RAD17: variants seen among roughly 807,000 people sequenced by gnomAD.
RAD17 encodes the protein RAD17 checkpoint clamp loader component, also known as cell cycle checkpoint protein RAD17.
A neutral mutation model predicts 81.5 loss-of-function variants in RAD17; 31 were observed. The ratio of observed to expected loss-of-function variants is 0.38; its 90% CI spans 0.29 to 0.51. RAD17 has a LOEUF of 0.51. RAD17 is among the 20% of genes least tolerant of loss of function. The pLI, the probability that RAD17 is intolerant of heterozygous loss-of-function variation, is 0.88. For missense variants in RAD17, 681 were observed against 781.2 expected, an observed-to-expected ratio of 0.87 and a Z score of 1.53; for synonymous variants, 261 against 266.2, an observed-to-expected ratio of 0.98 and a Z score of 0.19.
chr5:69,391,935 CAA>C lies in RAD17; in HGVS notation c.1112_1113del (p.Gln371ArgfsTer25). The C allele has an allele frequency of 6.3e-7, 1 of 1,595,886 alleles. No homozygotes were observed. The highest frequency in any genetic ancestry group is 8.5e-7 in the Non-Finnish European group (1 of 1,174,332). ...AAAACCTGATAGGGTTTTTGAAAAT[CAA>C]GAGGTCCAAGCTATTGGTGGCAAAG... ...RKKPDRVFEN[Q>X]EVQAIGGKDV... On this transcript the variant is annotated frameshift_variant, in exon 13 of 19. Coordinates refer to ENST00000354868, the MANE Select transcript of RAD17 (RefSeq NM_133338.3). LOFTEE classifies it high-confidence loss of function.
At chr5:69,385,910 A>T (rs1487701230) in intron 8 of RAD17, 133 bp from the exon 9 acceptor site, 2 of 912,466 alleles carry the variant, frequency 2.2e-6, no homozygotes, top group East Asian at 6.1e-5. Flanking sequence ...CATCTATTTC[A>T]TGTTTCCTGT....
chr5:69,399,199 G>A (rs998787644), intron 16 of RAD17, among the ~76,000 whole-genome samples: 1 of 152,086 alleles, frequency 6.6e-6, no homozygotes, highest in Non-Finnish European at 1.5e-5. Flanking sequence ...AGTTTGCAGT[G>A]AACAATGATT....
intron 6 of RAD17, among the ~76,000 whole-genome samples, chr5:69,377,437 G>GTATATATATATATATA: frequency 3.9e-5 from 1 of 25,772 alleles, no homozygotes; most frequent in East Asian, 1.5e-3. Flanking sequence ...GTGTGTGTGT[G>GTATATATATATATATA]TGTATATATA....
At position 69,369,849 on chromosome 5, in the gene RAD17, G is replaced by C; in HGVS notation, c.-501G>C. On this transcript the variant is annotated 5_prime_UTR_variant, in exon 1 of 19. Coordinates refer to ENST00000354868, the MANE Select transcript of RAD17 (RefSeq NM_133338.3). ...CCGAGAGGCTCGGCGTTGAGCCCGG[G>C]TAGGGCCAGGTGGCTGCCCTTTCAC... The C allele has an allele frequency of 1.3e-6, 1 of 776,054 alleles. No homozygotes were observed. The highest frequency in any genetic ancestry group is 2.7e-5 in the East Asian group (1 of 36,410). 48.1% of individuals were successfully genotyped at this position (776,054 alleles called of 1,614,324 possible). A position where few individuals can be genotyped will look rare whatever the true frequency, so the allele number is the denominator to read the frequency against.
At chr5:69,384,522 C>A (rs1764054953) in intron 7 of RAD17, among the ~76,000 whole-genome samples, 1 of 152,142 alleles carries the variant, frequency 6.6e-6, no homozygotes, top group Admixed American at 6.6e-5. Context: ...CACCATGTTG[C>A]CCAGGTTGCT....
At chr5:69,385,985 A>G in intron 8 of RAD17, 58 bp from the exon 9 acceptor site, 1 of 1,399,122 alleles carries the variant, frequency 7.1e-7, no homozygotes, top group Non-Finnish European at 9.4e-7. Context: ...TATAAATTTG[A>G]AAAATAAATT....
At chr5:69,377,485 A>ATGTATATATATGTG (rs1561238972) in intron 6 of RAD17, among the ~76,000 whole-genome samples, 3 of 80,200 alleles carry the variant, frequency 3.7e-5, no homozygotes, top group South Asian at 4.5e-4. Context: ...ACACACACAC[A>ATGTATATATATGTG]CATATATATA....
At chr5:69,391,324 CGAT>C (rs1764544883) in intron 12 of RAD17, among the ~76,000 whole-genome samples, 1 of 151,986 alleles carries the variant, frequency 6.6e-6, no homozygotes, top group Admixed American at 6.6e-5. Flanking sequence ...GCACATAACA[CGAT>C]GAGAAACCAA....
intron 16 of RAD17, among the ~76,000 whole-genome samples, chr5:69,398,089 C>G (rs1217946696): frequency 6.6e-6 from 1 of 151,582 alleles, no homozygotes; most frequent in African/African-American, 2.4e-5. Flanking sequence ...TGCACTCCAG[C>G]CTGAGAGACA....
At chr5:69,388,738 C>CAG (rs964428429) in intron 11 of RAD17, among the ~76,000 whole-genome samples, 1 of 152,060 alleles carries the variant, frequency 6.6e-6, no homozygotes, top group Non-Finnish European at 1.5e-5. Context: ...TCCCAAGTAG[C>CAG]AGGGACTACA....
Position 69,384,798 on chromosome 5 carries a change from A to G in RAD17, c.510A>G (p.Glu170=). 3 of 1,599,116 alleles carry G rather than the reference A, an allele frequency of 1.9e-6. No individual in the cohort carries two copies. Among genetic ancestry groups the G allele is most frequent in the Middle Eastern group, 1.7e-4 (1 of 5,982 alleles). The stretch of plus-strand genomic sequence containing the variant: ...AAGTGGTTATGTGTTTCCTTTCAGA[A>G]TCAAGCTTCCATATGTTTCCCTATC... ...KDDFKGMFNT[E]SSFHMFPYQS... is the part of the protein sequence containing the mutation. The change falls in exon 8 of 19, where the codon GAA becomes GAG. Residue 170 remains glutamate, a splice_region_variant and synonymous_variant. Coordinates refer to ENST00000354868, the MANE Select transcript of RAD17 (RefSeq NM_133338.3).
chr5:69,410,965 CTA>C lies in RAD17; in HGVS notation c.1751+446_1751+447del, dbSNP rs1554044686. Among the ~76,000 whole-genome samples, 737 of 90,230 alleles carry C rather than the reference CTA, an allele frequency of 8.2e-3. 11 individuals are homozygous for C. Among genetic ancestry groups the C allele is most frequent in the African/African-American group, 0.026 (531 of 20,236 alleles). The allele number at this position is 90,230 out of a possible 152,430, so 59.2% of individuals were successfully genotyped here. A position where few individuals can be genotyped will look rare whatever the true frequency, so the allele number is the denominator to read the frequency against. On this transcript the variant is annotated intron_variant, in intron 18 of 18. Transcript: ENST00000354868. ...AAACAAGCAAAAAATAGATGTCTGT[CTA>C]TATATATATATATATATATATATAT...
intron 16 of RAD17, among the ~76,000 whole-genome samples, chr5:69,398,381 A>G (rs1245608879): frequency 1.3e-5 from 2 of 152,198 alleles, no homozygotes; most frequent in African/African-American, 4.8e-5. Flanking sequence ...CTTACTCTCC[A>G]CAGCTAAAAA....
At chr5:69,403,937 AAAAAT>A (rs35018747) in intron 17 of RAD17, among the ~76,000 whole-genome samples, 51,532 of 151,578 alleles carry the variant, frequency 0.34, 10,277 homozygotes, top group Non-Finnish European at 0.46. Context: ...CCCTCTCCAA[AAAAAT>A]AAAATAAAAT....
chr5:69,369,526 C>A (rs1351971353), upstream of RAD17: 7 of 1,611,316 alleles, frequency 4.3e-6, no homozygotes, highest in Non-Finnish European at 4.2e-6. Context: ...GCCTCGCTCA[C>A]GTGCCCTTTG....
intron 6 of RAD17, among the ~76,000 whole-genome samples, chr5:69,380,203 G>A (rs947491864): frequency 6.6e-6 from 1 of 152,048 alleles, no homozygotes; most frequent in African/African-American, 2.4e-5. Context: ...TAAAAAACAA[G>A]TAGATTCTAA....
chr5:69,386,494 C>T lies in RAD17; in HGVS notation c.894+29C>T, dbSNP rs547408344. 58 of 1,529,964 alleles carry T rather than the reference C, an allele frequency of 3.8e-5. No homozygotes were observed. The Admixed American group carries it at 8.4e-4, about 22-fold the overall frequency. The allele number at this position is 1,529,964 out of a possible 1,614,324, so 94.8% of individuals were successfully genotyped here. On this transcript the variant is annotated intron_variant, in intron 11 of 18. Coordinates refer to ENST00000354868, the MANE Select transcript of RAD17 (RefSeq NM_133338.3). Reference sequence around the variant, plus strand: ...AGTCTCTGATTAATTAAACCTTACTCGATAACTATAGAAAGCCTAGCTTAA... The same window carrying T: ...AGTCTCTGATTAATTAAACCTTACTTGATAACTATAGAAAGCCTAGCTTAA...
intron 15 of RAD17, among the ~76,000 whole-genome samples, chr5:69,393,908 G>GTTTTTTTTTT (rs34500104): frequency 2.7e-5 from 2 of 73,106 alleles, no homozygotes; most frequent in African/African-American, 1.1e-4. Flanking sequence ...TGTTATGGTG[G>GTTTTTTTTTT]TTTTTTTTTT....
chr5:69,403,738 G>A (rs1351083487), intron 17 of RAD17, among the ~76,000 whole-genome samples: 3 of 152,048 alleles, frequency 2.0e-5, no homozygotes, highest in African/African-American at 7.2e-5. Context: ...TAGGCAACAC[G>A]GTGATACCTT....
Sources: gnomAD v4.1 joint callset for allele counts (sites outside exome capture counted in the v4.1 genomes callset) on GRCh38, gnomAD v4.1.1 for gene constraint, MANE v1.5 for transcripts, NCBI Gene and HGNC (gene_info 2026-07-23, HGNC 2026-07-21) for gene names.